Variants in UNC13C observed in about 807,000 individuals in gnomAD.
UNC13C encodes the protein unc-13 homolog C.
UNC13C carries 174 observed loss-of-function variants against 245.4 expected under a neutral mutation model. The ratio of observed to expected loss-of-function variants is 0.71; its 90% CI spans 0.63 to 0.80. The LOEUF is 0.80. UNC13C is among the 30% of genes least tolerant of loss of function. UNC13C has a pLI of 0.00. For synonymous variants in UNC13C, 992 were observed against 895.1 expected (o/e 1.11, Z -1.93); for missense variants, 2,829 against 2,602.9 (o/e 1.09, Z -1.89).
At chr15:54,245,462 G>T (rs1001858437) in intron 7 of UNC13C, among the ~76,000 whole-genome samples, 1 of 152,032 alleles carries the variant, frequency 6.6e-6, no homozygotes, top group East Asian at 1.9e-4. Flanking sequence ...TTCTCACATA[G>T]ATAGGATATA....
At chr15:54,608,993 A>C (rs748256851) in intron 30 of UNC13C, among the ~76,000 whole-genome samples, 2 of 152,136 alleles carry the variant, frequency 1.3e-5, no homozygotes, top group Non-Finnish European at 2.9e-5. Flanking sequence ...GGTGAGAGTT[A>C]CATTTTACTA....
chr15:54,007,743 T>C (rs1188664080), intron 1 of UNC13C, among the ~76,000 whole-genome samples: 1 of 152,112 alleles, frequency 6.6e-6, no homozygotes, highest in African/African-American at 2.4e-5. Context: ...AACCTGCACA[T>C]CCAGCCCATG....
intron 2 of UNC13C, among the ~76,000 whole-genome samples, chr15:54,064,322 A>G (rs1288041729): frequency 6.6e-6 from 1 of 152,130 alleles, no homozygotes; most frequent in African/African-American, 2.4e-5. Context: ...AACATGGTTG[A>G]TTTGTTGCTA....
chr15:54,014,401 A>C lies in UNC13C; in HGVS notation c.1498A>C (p.Arg500=), dbSNP rs760534019. Residue 500 remains arginine (R), a synonymous_variant, in exon 2 of 33, where the codon AGA becomes CGA. Coordinates refer to ENST00000260323, the MANE Select transcript of UNC13C (RefSeq NM_001080534.3). The stretch of plus-strand genomic sequence containing the variant: ...CAAGAATAAAACTGCTAATAGCAGC[A>C]GAATTTCAAATAAATCAGATTATGA... The part of the protein sequence containing the change: ...RSKNKTANSS[R]ISNKSDYDKI... 14 of 1,613,876 alleles carry C rather than the reference A, an allele frequency of 8.7e-6. No individual in the cohort carries two copies. The East Asian group carries it at 2.7e-4, about 31-fold the overall frequency.
intron 18 of UNC13C, among the ~76,000 whole-genome samples, chr15:54,410,689 G>A (rs1377105649): frequency 6.6e-6 from 1 of 151,880 alleles, no homozygotes; most frequent in Non-Finnish European, 1.5e-5. Context: ...TTATTTCTGG[G>A]CTCTCTGTTC....
At chr15:53,880,110 A>G in the UNC13C span, among the ~76,000 whole-genome samples, 2 of 152,270 alleles carry the variant, frequency 1.3e-5, no homozygotes, top group South Asian at 4.1e-4. Flanking sequence ...TTTTACAGAC[A>G]GGGAAGATAA....
At chr15:54,373,888 C>T (rs1476142718) in intron 17 of UNC13C, among the ~76,000 whole-genome samples, 3 of 152,126 alleles carry the variant, frequency 2.0e-5, no homozygotes, top group Non-Finnish European at 4.4e-5. Context: ...TGAAGAGGTG[C>T]TTTATTGAGC....
At chr15:54,360,754 G>T (rs1045158488) in intron 17 of UNC13C, among the ~76,000 whole-genome samples, 1 of 151,932 alleles carries the variant, frequency 6.6e-6, no homozygotes, top group Non-Finnish European at 1.5e-5. Context: ...TTCTTGGTTG[G>T]CAGGTTTTTG....
intron 19 of UNC13C, among the ~76,000 whole-genome samples, chr15:54,483,620 C>G (rs1893248111): frequency 6.6e-6 from 1 of 152,120 alleles, no homozygotes; most frequent in African/African-American, 2.4e-5. Flanking sequence ...CTCAGCCTCC[C>G]AAGTAGCTGG....
chr15:54,136,635 G>T (rs1393016204), intron 2 of UNC13C, among the ~76,000 whole-genome samples: 1 of 151,998 alleles, frequency 6.6e-6, no homozygotes, highest in Non-Finnish European at 1.5e-5. Context: ...GATCTTAGGG[G>T]AAAATCTTTC....
At chr15:54,142,960 A>C (rs1371914440) in intron 2 of UNC13C, 58 bp from the exon 3 acceptor site, 1 of 1,486,784 alleles carries the variant, frequency 6.7e-7, no homozygotes, top group Non-Finnish European at 9.4e-7. Flanking sequence ...TGTTTAAACA[A>C]TTTCTTGAAA....
chr15:54,021,875 T>C (rs1895916706), intron 2 of UNC13C, among the ~76,000 whole-genome samples: 1 of 152,234 alleles, frequency 6.6e-6, no homozygotes, highest in Non-Finnish European at 1.5e-5. Context: ...TCTACAGTAA[T>C]CACTATAGTA....
intron 2 of UNC13C, chr15:54,049,662 G>T: frequency 4.4e-6 from 1 of 227,914 alleles, no homozygotes; most frequent in South Asian, 6.0e-5. Flanking sequence ...CCAGCAGTCT[G>T]AGTGCCGTCA....
downstream of UNC13C, chr15:54,630,747 C>T (rs568942412): frequency 6.6e-6 from 1 of 152,178 alleles, no homozygotes; most frequent in Non-Finnish European, 1.5e-5. Flanking sequence ...GTGGTTCAGG[C>T]TTCTGCAGTG....
At chr15:54,556,768 A>G (rs965087643) in intron 29 of UNC13C, among the ~76,000 whole-genome samples, 2 of 151,900 alleles carry the variant, frequency 1.3e-5, no homozygotes, top group Admixed American at 6.6e-5. Context: ...AAGCTCTAGC[A>G]TGCACCATGA....
intron 19 of UNC13C, among the ~76,000 whole-genome samples, chr15:54,477,923 T>C (rs992633369): frequency 8.8e-5 from 13 of 147,392 alleles, no homozygotes; most frequent in African/African-American, 3.3e-4. Flanking sequence ...AATTCGGCTG[T>C]GAATCCATCT....
the UNC13C span, among the ~76,000 whole-genome samples, chr15:53,928,497 G>A: frequency 6.6e-5 from 10 of 152,268 alleles, no homozygotes; most frequent in East Asian, 1.5e-3. Flanking sequence ...ACACGTTACA[G>A]TACTGCAGAG....
chr15:54,539,185 A>G (rs920001334), intron 26 of UNC13C, among the ~76,000 whole-genome samples: 3 of 152,034 alleles, frequency 2.0e-5, no homozygotes, highest in Non-Finnish European at 2.9e-5. Flanking sequence ...TTTTAATTCC[A>G]TTTACCTTTG....
At chr15:54,360,960 G>GT (rs1264262422) in intron 17 of UNC13C, among the ~76,000 whole-genome samples, 11 of 152,020 alleles carry the variant, frequency 7.2e-5, no homozygotes, top group African/African-American at 2.7e-4. Context: ...CTTAAATTTG[G>GT]TTGGCAATCT....
Sources: allele counts gnomAD v4.1 joint callset (sites outside exome capture counted in the v4.1 genomes callset), GRCh38; gene constraint gnomAD v4.1.1; transcripts MANE v1.5; gene names NCBI Gene and HGNC (gene_info 2026-07-23, HGNC 2026-07-21).